BUB3: variants seen among roughly 807,000 people sequenced by gnomAD.
BUB3 encodes the protein mitotic checkpoint protein BUB3.
A neutral mutation model predicts 39.9 loss-of-function variants in BUB3; 22 were observed. The observed-to-expected ratio is 0.55, with a 90% CI of 0.39 to 0.79. The LOEUF (loss-of-function observed/expected upper bound fraction) is 0.79. BUB3 is among the 30% of genes least tolerant of loss of function. The pLI, the probability that BUB3 is intolerant of heterozygous loss-of-function variation, is 0.00. For missense variants in BUB3, 303 were observed against 415.4 expected (o/e 0.73, Z 2.35); for synonymous variants, 168 against 155.1 (o/e 1.08, Z -0.62).
intron 5 of BUB3, 136 bp from the exon 6 acceptor site, chr10:123,162,100 A>G (rs1158498838): frequency 2.5e-6 from 2 of 786,632 alleles, no homozygotes; most frequent in South Asian, 1.7e-5. Context: ...AGTACAGCCT[A>G]AACACTTCAT....
In BUB3 at chr10:123,166,681, C is replaced by T. The variant is rs1247803507; in HGVS notation, c.*2846C>T. ...GATTTCATAAGGAGGTGTGCTGCTT[C>T]CCAAGCTTCTAGATCATCAGGAAGG... On this transcript the variant is annotated 3_prime_UTR_variant, in exon 8 of 8. Transcript: ENST00000368865. 2 of 152,198 alleles carry T rather than the reference C, an allele frequency of 1.3e-5. No homozygotes were observed. Among genetic ancestry groups the T allele is most frequent in the Admixed American group, 6.5e-5 (1 of 15,286 alleles). The allele number at this position is 152,198 out of a possible 1,614,324, so 9.4% of individuals were successfully genotyped here. A position where few individuals can be genotyped will look rare whatever the true frequency, so the allele number is the denominator to read the frequency against.
At position 123,162,683 on chromosome 10, in the gene BUB3, C is replaced by A; in HGVS notation, c.826C>A (p.Pro276Thr). 1 of 1,609,770 alleles carries A rather than the reference C, an allele frequency of 6.2e-7. No homozygotes were observed. The highest frequency in any genetic ancestry group is 1.1e-5 in the South Asian group (1 of 89,828). Residue 276 changes from proline (P) to threonine (T), a missense_variant, in exon 7 of 8, where the codon CCC (proline) becomes ACC (threonine). Coordinates refer to ENST00000368865, the MANE Select transcript of BUB3 (RefSeq NM_004725.4). ...GCGACTGTGCCAATTCCATCGGTAC[C>A]CCACGAGCATCGCATCACTTGCCTT... ...KKRLCQFHRY[P>T]TSIASLAFSN...
Position 123,167,398 on chromosome 10 carries a change from A to G in BUB3, c.*3563A>G, listed in dbSNP as rs896498999. The G allele has an allele frequency of 1.7e-4, 26 of 152,082 alleles. No individual in the cohort carries two copies. Among genetic ancestry groups the G allele is most frequent in the Admixed American group, 4.6e-4 (7 of 15,256 alleles). The allele number at this position is 152,082 out of a possible 1,614,324, so 9.4% of individuals were successfully genotyped here. A position where few individuals can be genotyped will look rare whatever the true frequency, so the allele number is the denominator to read the frequency against. The stretch of plus-strand genomic sequence containing the variant: ...AAATAAGTGTGCCCTTTCTCAAAAC[A>G]CGTATGAAACACCTCCTGCTTGTAT... On this transcript the variant is annotated 3_prime_UTR_variant, in exon 8 of 8. Transcript: ENST00000368865.
chr10:123,161,949 C>T (rs567280270), intron 5 of BUB3, among the ~76,000 whole-genome samples: 1 of 152,124 alleles, frequency 6.6e-6, no homozygotes, highest in African/African-American at 2.4e-5. Context: ...AACAAATAAG[C>T]GACACTAAAA....
At chr10:123,162,207 A>AC in intron 5 of BUB3, 29 bp from the exon 6 acceptor site, 1 of 1,588,916 alleles carries the variant, frequency 6.3e-7, no homozygotes. Context: ...GGAATTTACC[A>AC]TTTTTTTCCT....
chr10:123,167,451 C>CTAACATTT lies in BUB3; in HGVS notation c.*3617_*3618insAACATTTT, dbSNP rs1844506015. The CTAACATTT allele has an allele frequency of 6.6e-6, 1 of 152,128 alleles. No individual in the cohort carries two copies. Among genetic ancestry groups the CTAACATTT allele is most frequent in the African/African-American group, 2.4e-5 (1 of 41,436 alleles). The allele number at this position is 152,128 out of a possible 1,614,324, so 9.4% of individuals were successfully genotyped here. A position where few individuals can be genotyped will look rare whatever the true frequency, so the allele number is the denominator to read the frequency against. On this transcript the variant is annotated 3_prime_UTR_variant, in exon 8 of 8. Coordinates refer to ENST00000368865, the MANE Select transcript of BUB3 (RefSeq NM_004725.4). ...CTTTAGCAGTAGTTCCTCATATTGC[C>CTAACATTT]TGGCATTTAAACATTTTTGTATGCG...
Position 123,155,008 on chromosome 10 carries a change from C to T in BUB3, c.91C>T (p.Leu31Phe). ...KFSPNTSQFL[L>F]VSSWDTSVRL... ...CAGCCCCAACACCTCCCAGTTCCTGCTTGTCTCCTCCTGGGACACGTCCGT... is the reference window on the plus strand; with the variant it reads ...CAGCCCCAACACCTCCCAGTTCCTGTTTGTCTCCTCCTGGGACACGTCCGT... Residue 31 changes from leucine (L) to phenylalanine (F), a missense_variant, in exon 2 of 8, where the codon CTT (leucine) becomes TTT (phenylalanine). Around this residue, in one of 2 missense-constraint regions of BUB3, gnomAD observed 121 missense variants for 122.3 expected, o/e 0.99. Coordinates refer to ENST00000368865, the MANE Select transcript of BUB3 (RefSeq NM_004725.4). The T allele has an allele frequency of 6.2e-7, 1 of 1,614,206 alleles. No homozygotes were observed. Among genetic ancestry groups the T allele is most frequent in the Admixed American group, 1.7e-5 (1 of 60,028 alleles).
Position 123,163,883 on chromosome 10 carries a change from C to T in BUB3, c.*48C>T, listed in dbSNP as rs374733234. 2.8e-5 allele frequency: 44 copies of T among 1,568,594 alleles called. No homozygotes were observed. The East Asian group carries it at 5.7e-4, about 20-fold the overall frequency. On this transcript the variant is annotated 3_prime_UTR_variant, in exon 8 of 8. Coordinates refer to ENST00000368865, the MANE Select transcript of BUB3 (RefSeq NM_004725.4). Reference sequence around the variant, plus strand: ...CCATGTTGATGATAATAAAACAATTCGTACTCCCCAATGGTGGATTTATTA... The same window carrying T: ...CCATGTTGATGATAATAAAACAATTTGTACTCCCCAATGGTGGATTTATTA...
intron 6 of BUB3, 26 bp downstream of exon 6, chr10:123,162,439 TTTAA>T: frequency 6.2e-7 from 1 of 1,605,800 alleles, no homozygotes; most frequent in Non-Finnish European, 8.5e-7. Flanking sequence ...CTGACCTATA[TTTAA>T]TTATTATACT....
chr10:123,162,029 T>A lies in BUB3; in HGVS notation c.577-207T>A, dbSNP rs560480890. ...TTTATTGTAATGTGCAAGGCCCTGG[T>A]ACCTGTGAGGAAAGCATGTGATGAG... On this transcript the variant is annotated intron_variant, in intron 5 of 7. Coordinates refer to ENST00000368865, the MANE Select transcript of BUB3 (RefSeq NM_004725.4). Among the ~76,000 whole-genome samples the A allele has an allele frequency of 2.0e-4, 30 of 152,358 alleles. 1 individual carries two copies. Among genetic ancestry groups the A allele is most frequent in the Non-Finnish European group, 3.4e-4 (23 of 68,030 alleles).
Position 123,162,518 on chromosome 10 carries a change from A to G in BUB3, c.755-94A>G, listed in dbSNP as rs183700875. The G allele has an allele frequency of 6.4e-6, 10 of 1,552,886 alleles. No individual in the cohort carries two copies. The East Asian group carries it at 2.2e-4, about 35-fold the overall frequency. On this transcript the variant is annotated intron_variant, in intron 6 of 7. Coordinates refer to ENST00000368865, the MANE Select transcript of BUB3 (RefSeq NM_004725.4). ...TCTGTACAGTGCTTTAGGGAAATGTAACTTCTATGACCTTAAAAATTAACT... is the reference window on the plus strand; with the variant it reads ...TCTGTACAGTGCTTTAGGGAAATGTGACTTCTATGACCTTAAAAATTAACT...
chr10:123,164,984 ATTTCAGTGAAAACTTGGTG>A lies in BUB3; in HGVS notation c.*1151_*1169del. 1 of 1,549,462 alleles carries A rather than the reference ATTTCAGTGAAAACTTGGTG, an allele frequency of 6.5e-7. No individual in the cohort carries two copies. Among genetic ancestry groups the A allele is most frequent in the Non-Finnish European group, 8.7e-7 (1 of 1,152,166 alleles). On this transcript the variant is annotated 3_prime_UTR_variant, in exon 8 of 8. Coordinates refer to ENST00000368865, the MANE Select transcript of BUB3 (RefSeq NM_004725.4). Reference sequence around the variant, plus strand: ...GAGAAGGGTCTTTTTTTTTTTAAGTATTTCAGTGAAAACTTGGTGTAAGTCTGAACCCATCTTTTGAAAT... The same window carrying A: ...GAGAAGGGTCTTTTTTTTTTTAAGTATAAGTCTGAACCCATCTTTTGAAAT...
chr10:123,157,155 T>C (rs1363118502), intron 3 of BUB3, among the ~76,000 whole-genome samples: 1 of 152,188 alleles, frequency 6.6e-6, no homozygotes, highest in Non-Finnish European at 1.5e-5. Context: ...GAAAAGAAAA[T>C]GTCTATTGAA....
intron 1 of BUB3, 121 bp downstream of exon 1, chr10:123,154,606 T>G: frequency 3.6e-6 from 1 of 279,770 alleles, no homozygotes. Flanking sequence ...TTCCCTTTAT[T>G]TTTAGGAGTG....
intron 4 of BUB3, among the ~76,000 whole-genome samples, chr10:123,159,703 T>A (rs530540540): frequency 3.9e-5 from 6 of 152,338 alleles, no homozygotes; most frequent in Admixed American, 3.3e-4. Flanking sequence ...ACACTACTTT[T>A]AAAAATTTTC....
At position 123,165,593 on chromosome 10, in the gene BUB3, C is replaced by G. The variant is rs1027732286; in HGVS notation, c.*1758C>G. 3 of 150,534 alleles carry G rather than the reference C, an allele frequency of 2.0e-5. No homozygotes were observed. Among genetic ancestry groups the G allele is most frequent in the African/African-American group, 7.4e-5 (3 of 40,722 alleles). 9.3% of individuals were successfully genotyped at this position (150,534 alleles called of 1,614,324 possible). On this transcript the variant is annotated 3_prime_UTR_variant, in exon 8 of 8. Coordinates refer to ENST00000368865, the MANE Select transcript of BUB3 (RefSeq NM_004725.4). ...GCCCCCTTGTGCCCTCTCGGTGGAT[C>G]AGCAGGGCCTTTGAGCCAAGTGTGC...
chr10:123,155,158 A>G lies in BUB3; in HGVS notation c.195+46A>G, dbSNP rs893374375. 5 of 1,580,138 alleles carry G rather than the reference A, an allele frequency of 3.2e-6. No homozygotes were observed. In the African/African-American group the frequency reaches 6.8e-5, roughly 21 times the overall value. On this transcript the variant is annotated intron_variant, in intron 2 of 7. Transcript: ENST00000368865. ...CTCCTGCCCTCTTACTGTGTTAACG[A>G]TTCTCCACGTGAGGAGCGTTTCTTT...
chr10:123,160,482 C>T lies in BUB3; in HGVS notation c.493C>T (p.Arg165Trp). Residue 165 changes from arginine (R) to tryptophan (W), a missense_variant, in exon 5 of 8, where the codon CGG becomes TGG. Arg to Trp is a moderately radical substitution (Grantham distance 101). Around this residue, in one of 2 missense-constraint regions of BUB3, gnomAD observed 182 missense variants for 293.1 expected, o/e 0.62. Coordinates refer to ENST00000368865, the MANE Select transcript of BUB3 (RefSeq NM_004725.4). ...AGRRVLVWDL[R>W]NMGYVQQRRE... ...CCGCAGAGTGTTGGTGTGGGACTTA[C>T]GGAACATGGGTTACGTGCAGCAGCG... 4 of 1,613,374 alleles carry T rather than the reference C, an allele frequency of 2.5e-6. No homozygotes were observed. The highest frequency in any genetic ancestry group is 3.4e-6 in the Non-Finnish European group (4 of 1,179,912).
At chr10:123,155,375 A>C (rs1461172067) in intron 2 of BUB3, among the ~76,000 whole-genome samples, 1 of 152,182 alleles carries the variant, frequency 6.6e-6, no homozygotes, top group Non-Finnish European at 1.5e-5. Flanking sequence ...TTATATTTGC[A>C]ACAATACTGT....
Sources: gnomAD v4.1 joint callset for allele counts (sites outside exome capture counted in the v4.1 genomes callset) on GRCh38, gnomAD v4.1.1 for gene constraint, gnomAD v4.1.1 regional missense constraint, MANE v1.5 for transcripts, NCBI Gene and HGNC (gene_info 2026-07-23, HGNC 2026-07-21) for gene names.